ABCB1: variants seen among roughly 807,000 people sequenced by gnomAD.
ABCB1 encodes the protein ATP binding cassette subfamily B member 1.
A neutral mutation model predicts 142.0 loss-of-function variants in ABCB1; 69 were observed. The observed-to-expected ratio is 0.49, with a 90% CI of 0.40 to 0.59. ABCB1 has a LOEUF of 0.59. Among genes scored for constraint, ABCB1 ranks in the 20% least tolerant of loss-of-function variants. The pLI is 0.00. For synonymous variants in ABCB1, 532 were observed against 539.2 expected (o/e 0.99, Z 0.18); for missense variants, 1,326 against 1,554.7 (o/e 0.85, Z 2.47).
intron 1 of ABCB1, among the ~76,000 whole-genome samples, chr7:87,708,317 A>G (rs2188528): frequency 2.0e-5 from 3 of 152,162 alleles, no homozygotes; most frequent in Non-Finnish European, 2.9e-5. Flanking sequence ...CCAAGTGTGT[A>G]TATCTCACAG....
At chr7:87,696,126 T>C (rs1444649945) in intron 1 of ABCB1, among the ~76,000 whole-genome samples, 3 of 152,168 alleles carry the variant, frequency 2.0e-5, no homozygotes, top group African/African-American at 4.8e-5. Flanking sequence ...AGAATACTTA[T>C]AATTGAAAGC....
chr7:87,560,449 A>ACAC (rs1563052741), intron 8 of ABCB1, among the ~76,000 whole-genome samples: 13 of 152,164 alleles, frequency 8.5e-5, no homozygotes, highest in Non-Finnish European at 1.5e-4. Context: ...GAACCACAGA[A>ACAC]TCCCCTGCTG....
intron 1 of ABCB1, among the ~76,000 whole-genome samples, chr7:87,675,426 G>A (rs892974736): frequency 1.2e-4 from 19 of 152,124 alleles, no homozygotes; most frequent in African/African-American, 4.6e-4. Flanking sequence ...CAAAGCTGAA[G>A]GCATTATGCT....
chr7:87,538,226 T>C (rs1202082826), intron 19 of ABCB1, among the ~76,000 whole-genome samples: 1 of 152,174 alleles, frequency 6.6e-6, no homozygotes, highest in African/African-American at 2.4e-5. Flanking sequence ...AATGGGAAAT[T>C]TGGCCCTGGA....
intron 8 of ABCB1, 94 bp downstream of exon 8, chr7:87,561,169 G>A (rs1009413178): frequency 4.4e-5 from 63 of 1,430,398 alleles, no homozygotes; most frequent in Non-Finnish European, 6.0e-5. Context: ...ACATATATAT[G>A]GGAGAAAATG....
chr7:87,540,312 A>G (rs1816482397), intron 18 of ABCB1, among the ~76,000 whole-genome samples: 3 of 152,238 alleles, frequency 2.0e-5, no homozygotes, highest in Admixed American at 2.0e-4. Context: ...CTGCATCCCT[A>G]GTTTACCGCT....
intron 1 of ABCB1, among the ~76,000 whole-genome samples, chr7:87,610,253 T>C (rs1311983355): frequency 3.5e-5 from 5 of 144,218 alleles, no homozygotes; most frequent in South Asian, 2.2e-4. Context: ...TTTTTTTTTT[T>C]CTCAGCCAGG....
rs369275703 is a variant in ABCB1 at position 87,702,824 on chromosome 7, C to G, written c.-331+10337G>C. On this transcript the variant is annotated intron_variant, in intron 1 of 28. Coordinates refer to the ABCB1 transcript ENST00000265724. ...TGTTCAAAGAAAATGCTAAATGGAC[C>G]ATTTAATGCAAATATTCCAAAATCA... Among the ~76,000 whole-genome samples, 31 of 152,168 alleles carry G rather than the reference C, an allele frequency of 2.0e-4. No individual in the cohort carries two copies. In the East Asian group the frequency reaches 2.9e-3, roughly 14 times the overall value.
chr7:87,705,413 G>A (rs1486718319), intron 1 of ABCB1, among the ~76,000 whole-genome samples: 1 of 152,056 alleles, frequency 6.6e-6, no homozygotes, highest in Non-Finnish European at 1.5e-5. Context: ...GCAACAGAGC[G>A]AGACTCCATC....
chr7:87,703,790 T>G (rs1213681159), intron 1 of ABCB1, among the ~76,000 whole-genome samples: 1 of 149,800 alleles, frequency 6.7e-6, no homozygotes, highest in Admixed American at 6.6e-5. Context: ...GAATTTTTAA[T>G]TCATTTACTT....
In ABCB1 at chr7:87,516,562, T is replaced by C; in HGVS notation, c.3031A>G (p.Ile1011Val). The change falls in exon 24 of 28, where the codon ATC (isoleucine) becomes GTC (valine). Residue 1011 changes from isoleucine to valine, a missense_variant. Ile to Val is a conservative substitution (Grantham distance 29, BLOSUM62 3). Coordinates refer to ENST00000622132, the MANE Select transcript of ABCB1 (RefSeq NM_001348946.2). ...AKISAAHIIMIIEKTPLIDSY... is the reference protein window; with the variant it reads ...AKISAAHIIMVIEKTPLIDSY... Reference sequence around the variant, plus strand: ...TCAATCAAAGGGGTTTTTTCAATGATCATGATGATGTGGGCTGCTGATATT... The same window carrying C: ...TCAATCAAAGGGGTTTTTTCAATGACCATGATGATGTGGGCTGCTGATATT... 1.2e-6 allele frequency: 2 copies of C among 1,614,162 alleles called. No homozygotes were observed. Among genetic ancestry groups the C allele is most frequent in the Non-Finnish European group, 1.7e-6 (2 of 1,180,034 alleles).
chr7:87,614,054 G>A (rs1411933904), intron 1 of ABCB1, among the ~76,000 whole-genome samples: 1 of 150,954 alleles, frequency 6.6e-6, no homozygotes, highest in African/African-American at 2.5e-5. Flanking sequence ...TCTAAATATT[G>A]TATTTTTTTT....
rs1563042498 is a variant in ABCB1, at chr7:87,541,347, A to C, written c.2319+10T>G. The stretch of plus-strand genomic sequence containing the variant: ...CTCAAAATGAATATAGTGAAAATGG[A>C]AACATTTACCTGAAGGAAAAATGTA... On this transcript the variant is annotated intron_variant, in intron 18 of 27. Transcript: ENST00000622132. The C allele has an allele frequency of 1.4e-6, 2 of 1,466,442 alleles. No individual in the cohort carries two copies. Among genetic ancestry groups the C allele is most frequent in the Non-Finnish European group, 9.6e-7 (1 of 1,046,128 alleles). The allele number at this position is 1,466,442 out of a possible 1,614,324, so 90.8% of individuals were successfully genotyped here.
intron 3 of ABCB1, among the ~76,000 whole-genome samples, chr7:87,586,708 G>T (rs1405049000): frequency 6.6e-6 from 1 of 152,138 alleles, no homozygotes; most frequent in African/African-American, 2.4e-5. Flanking sequence ...CTTCACAAGG[G>T]GATAGAAACC....
chr7:87,626,350 T>G, intron 1 of ABCB1, among the ~76,000 whole-genome samples: 1 of 32,844 alleles, frequency 3.0e-5, no homozygotes, highest in Non-Finnish European at 4.7e-5. Flanking sequence ...ATGTGTCATA[T>G]ATATGTGTCA....
intron 1 of ABCB1, among the ~76,000 whole-genome samples, chr7:87,646,295 A>T (rs1233610556): frequency 1.3e-5 from 2 of 152,100 alleles, no homozygotes; most frequent in African/African-American, 2.4e-5. Context: ...TTTTCTTCCC[A>T]CTACATTTTA....
At chr7:87,520,990 T>A (rs1277846163) in intron 21 of ABCB1, 114 bp from the exon 22 acceptor site, 14 of 797,932 alleles carry the variant, frequency 1.8e-5, no homozygotes, top group Non-Finnish European at 2.9e-5. Flanking sequence ...TTTATTATTA[T>A]GTATGAGCAT....
At chr7:87,686,962 A>G (rs1032138906) in intron 1 of ABCB1, among the ~76,000 whole-genome samples, 8 of 151,760 alleles carry the variant, frequency 5.3e-5, no homozygotes, top group African/African-American at 1.7e-4. Context: ...AAAAAAAAAA[A>G]AAAGAAAGAA....
chr7:87,549,808 A>AT (rs1307983725), intron 13 of ABCB1, 43 bp downstream of exon 13: 1 of 1,604,232 alleles, frequency 6.2e-7, no homozygotes, highest in South Asian at 1.1e-5. Context: ...CCTGCATTTT[A>AT]TTTTTTGCAC....
Sources: allele counts gnomAD v4.1 joint callset (sites outside exome capture counted in the v4.1 genomes callset), GRCh38; gene constraint gnomAD v4.1.1; transcripts MANE v1.5; gene names NCBI Gene and HGNC (gene_info 2026-07-23, HGNC 2026-07-21).